The following PLD5 variants were observed in gnomAD, a reference collection of about 807,000 sequenced individuals.
PLD5 encodes the protein phospholipase D family member 5, also known as inactive phospholipase D5.
PLD5 carries 36 observed loss-of-function variants against 61.1 expected under a neutral mutation model. The observed-to-expected ratio is 0.59, with a 90% confidence interval of 0.45 to 0.78. The LOEUF is 0.78. Ranked by LOEUF, PLD5 falls within the 30% of genes least tolerant of loss-of-function variation. The probability of loss-of-function intolerance (pLI) is 0.00; values close to 1 mark genes in which losing one functional copy is unlikely to be tolerated. For synonymous variants in PLD5, 243 were observed against 242.8 expected, an observed-to-expected ratio of 1.00 and a Z score of -0.01; for missense variants, 515 against 644.4, an observed-to-expected ratio of 0.80 and a Z score of 2.17.
At chr1:242,179,426 T>C (rs890523125) in intron 5 of PLD5, among the ~76,000 whole-genome samples, 1 of 152,286 alleles carries the variant, frequency 6.6e-6, no homozygotes, top group Non-Finnish European at 1.5e-5. Flanking sequence ...ACTCTTTTGA[T>C]AGGCAGAGGA....
chr1:242,466,619 G>A (rs1186710128), intron 1 of PLD5, among the ~76,000 whole-genome samples: 2 of 152,256 alleles, frequency 1.3e-5, no homozygotes, highest in East Asian at 3.9e-4. Flanking sequence ...TCGGCTGGGC[G>A]CGGCGGCTCA....
intron 1 of PLD5, among the ~76,000 whole-genome samples, chr1:242,410,962 A>AG (rs921403747): frequency 6.6e-6 from 1 of 152,004 alleles, no homozygotes; most frequent in African/African-American, 2.4e-5. Context: ...TAATCGAAAA[A>AG]AAAAAGAAAA....
Position 242,256,991 on chromosome 1 carries a change from TTCTATCATCTATCTA to T in PLD5, c.607+8331_607+8345del, listed in dbSNP as rs1220319985. ...CTATCTACCTACCTACCTACCTTCTTTCTATCATCTATCTATCTATCATCTATCTATATCTACCTA... is the reference window on the plus strand; with the variant it reads ...CTATCTACCTACCTACCTACCTTCTTTCTATCATCTATCTATATCTACCTA... On this transcript the variant is annotated intron_variant, in intron 4 of 9. Transcript: ENST00000536534. The surrounding 1 kb of genome is among the most constrained non-coding windows in gnomAD (Gnocchi z 5.7). Among the ~76,000 whole-genome samples the T allele has an allele frequency of 1.3e-5, 2 of 151,852 alleles. No individual in the cohort carries two copies. The highest frequency in any genetic ancestry group is 2.1e-4 in the South Asian group (1 of 4,786).
chr1:242,187,535 T>G (rs971417032), intron 5 of PLD5, among the ~76,000 whole-genome samples: 4 of 152,224 alleles, frequency 2.6e-5, no homozygotes, highest in African/African-American at 9.6e-5. Flanking sequence ...AATAAAAATC[T>G]ATATGCAGAT....
chr1:242,208,771 C>G (rs1237103436), intron 5 of PLD5, among the ~76,000 whole-genome samples: 1 of 151,554 alleles, frequency 6.6e-6, no homozygotes. Flanking sequence ...TCATCTAACC[C>G]TATCAACCTG....
At chr1:242,137,522 A>G (rs918638408) in intron 5 of PLD5, among the ~76,000 whole-genome samples, 1 of 152,158 alleles carries the variant, frequency 6.6e-6, no homozygotes, top group Non-Finnish European at 1.5e-5. Context: ...GGGATATCCT[A>G]TTTGGAACCA....
chr1:242,252,653 C>A (rs1289783007), intron 4 of PLD5, among the ~76,000 whole-genome samples: 3 of 151,908 alleles, frequency 2.0e-5, no homozygotes, highest in African/African-American at 7.3e-5. Flanking sequence ...TTCTGGGGAT[C>A]CCATGATCAG....
intron 5 of PLD5, among the ~76,000 whole-genome samples, chr1:242,142,940 A>G (rs1420023654): frequency 3.4e-5 from 5 of 148,450 alleles, no homozygotes; most frequent in Non-Finnish European, 3.0e-5. Flanking sequence ...CTGCTCTTGA[A>G]CTCCTGACCT....
At chr1:242,497,351 A>G (rs1356388532) in intron 1 of PLD5, among the ~76,000 whole-genome samples, 1 of 152,254 alleles carries the variant, frequency 6.6e-6, no homozygotes, top group Non-Finnish European at 1.5e-5. Context: ...CCAATCAGAC[A>G]TCATTCTTTC....
rs1163946854 is a variant in PLD5 at position 242,119,749 on chromosome 1, A to G, written c.933+4719T>C. 2.0e-5 allele frequency among the ~76,000 whole-genome samples: 3 copies of G among 152,314 alleles called. No individual in the cohort carries two copies. The East Asian group carries it at 5.8e-4, about 29-fold the overall frequency. The stretch of plus-strand genomic sequence containing the variant: ...GTGGGATTGTAAAATGGTGCTGCCA[A>G]TTTGGAAAACAGTTTGGTAGTTTCT... On this transcript the variant is annotated intron_variant, in intron 6 of 9. Coordinates refer to ENST00000536534, the MANE Select transcript of PLD5 (RefSeq NM_001372062.1).
At chr1:242,240,181 GTCTTT>G (rs544654313) in intron 4 of PLD5, among the ~76,000 whole-genome samples, 216 of 152,260 alleles carry the variant, frequency 1.4e-3, no homozygotes, top group African/African-American at 5.1e-3. Context: ...TAACTCACAG[GTCTTT>G]CCATGGCCTC....
At chr1:242,190,357 A>G (rs1396053237) in intron 5 of PLD5, among the ~76,000 whole-genome samples, 1 of 151,604 alleles carries the variant, frequency 6.6e-6, no homozygotes, top group East Asian at 2.0e-4. Flanking sequence ...CATGTTAGCC[A>G]GGATGGTCTC....
chr1:242,207,920 A>ATATT (rs1200567997), intron 5 of PLD5, among the ~76,000 whole-genome samples: 195 of 9,640 alleles, frequency 0.02, 41 homozygotes, highest in African/African-American at 0.096. Flanking sequence ...ATATTTATAT[A>ATATT]TTTATATATA....
intron 1 of PLD5, among the ~76,000 whole-genome samples, chr1:242,494,004 T>A (rs925749332): frequency 2.0e-5 from 3 of 152,164 alleles, no homozygotes; most frequent in African/African-American, 7.2e-5. Context: ...TTTTTATCTT[T>A]CACCATCTCT....
intron 4 of PLD5, among the ~76,000 whole-genome samples, chr1:242,249,426 T>C (rs1328678149): frequency 3.9e-5 from 6 of 152,222 alleles, no homozygotes; most frequent in Admixed American, 3.3e-4. Flanking sequence ...TTCTGTTCTT[T>C]ATAAACTACC....
At chr1:242,241,299 T>A (rs961852207) in intron 4 of PLD5, among the ~76,000 whole-genome samples, 3 of 152,134 alleles carry the variant, frequency 2.0e-5, no homozygotes, top group African/African-American at 7.2e-5. Flanking sequence ...TGAGTTTTTA[T>A]CATATTGAAA....
chr1:242,099,070 C>T (rs191139891), intron 9 of PLD5, among the ~76,000 whole-genome samples: 5 of 152,224 alleles, frequency 3.3e-5, no homozygotes, highest in African/African-American at 9.6e-5. Flanking sequence ...GGGAGAACCA[C>T]CACTCTCTTC....
At chr1:242,171,302 G>A (rs954792338) in intron 5 of PLD5, among the ~76,000 whole-genome samples, 2 of 152,122 alleles carry the variant, frequency 1.3e-5, no homozygotes, top group Admixed American at 6.6e-5. Flanking sequence ...ATAACTGAAG[G>A]AGAAATAAAA....
At chr1:242,101,153 G>A (rs1396908961) in intron 8 of PLD5, among the ~76,000 whole-genome samples, 2 of 152,124 alleles carry the variant, frequency 1.3e-5, no homozygotes, top group African/African-American at 4.8e-5. Flanking sequence ...GCAATGAACC[G>A]AATGAGTATT....
Sources: allele counts gnomAD v4.1 joint callset (sites outside exome capture counted in the v4.1 genomes callset), GRCh38; gene constraint gnomAD v4.1.1; non-coding constraint Gnocchi (gnomAD v3.1); transcripts MANE v1.5; gene names NCBI Gene and HGNC (gene_info 2026-07-23, HGNC 2026-07-21).